Variants in AGAP1 observed in about 807,000 individuals in gnomAD.
AGAP1 encodes the protein arf-GAP with GTPase, ANK repeat and PH domain-containing protein 1.
A neutral mutation model predicts 105.3 loss-of-function variants in AGAP1; 29 were observed. The observed-to-expected ratio is 0.28, with a 90% CI of 0.21 to 0.38. The LOEUF (loss-of-function observed/expected upper bound fraction) is 0.38. AGAP1 is among the 10% of genes least tolerant of loss of function. The pLI, the probability that AGAP1 is intolerant of heterozygous loss-of-function variation, is 1.00. For synonymous variants in AGAP1, 509 were observed against 485.9 expected (o/e 1.05, Z -0.63); for missense variants, 998 against 1,165.1 (o/e 0.86, Z 2.09).
intron 6 of AGAP1, among the ~76,000 whole-genome samples, chr2:235,759,660 G>T (rs1039404903): frequency 1.3e-5 from 2 of 152,178 alleles, no homozygotes; most frequent in African/African-American, 4.8e-5. Flanking sequence ...GCCTTGGTGG[G>T]TTTGTGTGGG....
At position 235,675,150 on chromosome 2, in the gene AGAP1, G is replaced by T. The variant is rs551816225; in HGVS notation, c.164-34029G>T. 6.6e-5 allele frequency among the ~76,000 whole-genome samples: 10 copies of T among 150,598 alleles called. No homozygotes were observed. In the East Asian group the frequency reaches 1.2e-3, roughly 18 times the overall value. On this transcript the variant is annotated intron_variant, in intron 1 of 17. Transcript: ENST00000304032. Reference sequence around the variant, plus strand: ...TGATTTTTAAATTTGATTTGTTACTGAAAAGGACACTTTTTGTTGGTTGGT... The same window carrying T: ...TGATTTTTAAATTTGATTTGTTACTTAAAAGGACACTTTTTGTTGGTTGGT...
Position 235,753,577 on chromosome 2 carries a change from G to A in AGAP1, c.673+3089G>A, listed in dbSNP as rs1289294539. 6.6e-6 allele frequency among the ~76,000 whole-genome samples: 1 copy of A among 152,020 alleles called. No homozygotes were observed. Among genetic ancestry groups the A allele is most frequent in the Non-Finnish European group, 1.5e-5 (1 of 68,020 alleles). On this transcript the variant is annotated intron_variant, in intron 6 of 17. Transcript: ENST00000304032. The surrounding 1 kb of genome is among the most constrained non-coding windows in gnomAD (Gnocchi z 4.5). ...AAAAATTAGCCGGGCATGGTGGCAG[G>A]CACCTGTAATCCCAGCTACTCAGGA...
At position 236,076,346 on chromosome 2, in the gene AGAP1, GCTGAGGCAGAATTGCTTGAACC is replaced by G. The variant is rs2058634448; in HGVS notation, c.2114+27069_2114+27090del. On this transcript the variant is annotated intron_variant, in intron 16 of 17. Coordinates refer to ENST00000304032, the MANE Select transcript of AGAP1 (RefSeq NM_001037131.3). The surrounding 1 kb of genome is among the most constrained non-coding windows in gnomAD (Gnocchi z 4.4). ...GCCCATAATCCCAGCTACTTGGGAGGCTGAGGCAGAATTGCTTGAACCCTGGAGGCAGAGGTTACAGTGAGTC... is the reference window on the plus strand; with the variant it reads ...GCCCATAATCCCAGCTACTTGGGAGGCTGGAGGCAGAGGTTACAGTGAGTC... 6.6e-6 allele frequency among the ~76,000 whole-genome samples: 1 copy of G among 152,084 alleles called. No homozygotes were observed. The highest frequency in any genetic ancestry group is 1.5e-5 in the Non-Finnish European group (1 of 68,010).
Position 235,792,709 on chromosome 2 carries a change from G to C in AGAP1, c.674-5050G>C, listed in dbSNP as rs1957052488. On this transcript the variant is annotated intron_variant, in intron 6 of 17. Transcript: ENST00000304032. The surrounding 1 kb of genome is among the most constrained non-coding windows in gnomAD (Gnocchi z 5.3). ...GCGGGTTGTGCCATCGACTGAGCTA[G>C]AAAACAGACGAGAGGCAGGTCTGAG... Among the ~76,000 whole-genome samples the C allele has an allele frequency of 6.6e-6, 1 of 152,218 alleles. No homozygotes were observed. Among genetic ancestry groups the C allele is most frequent in the Non-Finnish European group, 1.5e-5 (1 of 68,036 alleles).
intron 6 of AGAP1, among the ~76,000 whole-genome samples, chr2:235,757,876 A>C (rs1019427877): frequency 9.9e-5 from 15 of 152,164 alleles, no homozygotes; most frequent in Non-Finnish European, 2.2e-4. Flanking sequence ...CGTTTGTGCA[A>C]CCTAATTGCA....
chr2:235,859,222 A>G (rs971893380), intron 9 of AGAP1, among the ~76,000 whole-genome samples: 1 of 151,658 alleles, frequency 6.6e-6, no homozygotes, highest in Non-Finnish European at 1.5e-5. Context: ...TTTAATACAT[A>G]TTGTTTCTTT....
intron 1 of AGAP1, among the ~76,000 whole-genome samples, chr2:235,686,588 C>CACACAT (rs1553605459): frequency 2.8e-5 from 3 of 108,508 alleles, no homozygotes; most frequent in African/African-American, 1.0e-4. Context: ...CACACACACA[C>CACACAT]GTGTGTGTGT....
intron 1 of AGAP1, among the ~76,000 whole-genome samples, chr2:235,708,395 G>C (rs1010235183): frequency 7.2e-5 from 11 of 152,130 alleles, no homozygotes; most frequent in African/African-American, 2.4e-4. Flanking sequence ...TGGAAAACTG[G>C]GTTGCAGGTA....
rs1337932590 is a variant in AGAP1, at chr2:235,965,053, C to G, written c.1484-3409C>G. On this transcript the variant is annotated intron_variant, in intron 12 of 17. Coordinates refer to ENST00000304032, the MANE Select transcript of AGAP1 (RefSeq NM_001037131.3). The surrounding 1 kb of genome is among the most constrained non-coding windows in gnomAD (Gnocchi z 5.8). ...AGTGCAGGCTCAGGGGGTCTCAGGA[C>G]TGCTGGCTACACCTCGGGTACAGTT... Among the ~76,000 whole-genome samples, 5 of 152,348 alleles carry G rather than the reference C, an allele frequency of 3.3e-5. No homozygotes were observed. The highest frequency in any genetic ancestry group is 3.4e-3 in the Middle Eastern group (1 of 294).
At chr2:236,052,871 C>A (rs2057945365) in intron 16 of AGAP1, among the ~76,000 whole-genome samples, 1 of 152,214 alleles carries the variant, frequency 6.6e-6, no homozygotes, top group South Asian at 2.1e-4. Flanking sequence ...TCAGAATTCC[C>A]CTCTCTAATT....
At chr2:235,941,785 A>C (rs1466571504) in intron 12 of AGAP1, among the ~76,000 whole-genome samples, 2 of 152,106 alleles carry the variant, frequency 1.3e-5, no homozygotes, top group Non-Finnish European at 2.9e-5. Context: ...AGAACTCAGT[A>C]GGCTAAAGGG....
At chr2:235,996,620 C>T (rs1417128429) in intron 13 of AGAP1, among the ~76,000 whole-genome samples, 1 of 152,220 alleles carries the variant, frequency 6.6e-6, no homozygotes, top group African/African-American at 2.4e-5. Flanking sequence ...CGGGGACCTT[C>T]TGTTCACCAT....
In AGAP1 at chr2:235,936,819, A is replaced by G. The variant is rs1196480912; in HGVS notation, c.1483+5896A>G. ...AACACTCGTTTCCCTGGGGATCATC[A>G]TCTCTGATAACTGAGCTTCCAAAAG... On this transcript the variant is annotated intron_variant, in intron 12 of 17. Transcript: ENST00000304032. This position sits in a 1 kb window ranked among gnomAD's most constrained non-coding sequence, Gnocchi z 4.7. Among the ~76,000 whole-genome samples, 1 of 152,124 alleles carries G rather than the reference A, an allele frequency of 6.6e-6. No individual in the cohort carries two copies. Among genetic ancestry groups the G allele is most frequent in the African/African-American group, 2.4e-5 (1 of 41,438 alleles).
At chr2:235,910,288 A>ATTCACTGAGCT in intron 11 of AGAP1, among the ~76,000 whole-genome samples, 1 of 8,762 alleles carries the variant, frequency 1.1e-4, no homozygotes, top group Non-Finnish European at 2.1e-4. Flanking sequence ...CCTGTGTTGC[A>ATTCACTGAGCT]GGGGGGCGGT....
In AGAP1 at chr2:236,058,884, G is replaced by A. The variant is rs764369198; in HGVS notation, c.2114+9603G>A. Among the ~76,000 whole-genome samples the A allele has an allele frequency of 6.6e-6, 1 of 152,176 alleles. No individual in the cohort carries two copies. Among genetic ancestry groups the A allele is most frequent in the African/African-American group, 2.4e-5 (1 of 41,438 alleles). ...ACAAGATCAATGTGCAAAACTCTTA[G>A]CTGGCCATGGTGGCACAGTTCTGTA... is the stretch of plus-strand genomic sequence containing the variant. On this transcript the variant is annotated intron_variant, in intron 16 of 17. Transcript: ENST00000304032. This position sits in a 1 kb window ranked among gnomAD's most constrained non-coding sequence, Gnocchi z 4.6.
chr2:235,595,870 T>C (rs1035000970), intron 1 of AGAP1, among the ~76,000 whole-genome samples: 1 of 152,210 alleles, frequency 6.6e-6, no homozygotes, highest in African/African-American at 2.4e-5. Flanking sequence ...AAGAACTGTT[T>C]AAGAATAAAT....
At chr2:235,807,476 G>A (rs191250353) in intron 9 of AGAP1, 145 bp downstream of exon 9, 75 of 642,712 alleles carry the variant, frequency 1.2e-4, no homozygotes, top group Middle Eastern at 3.7e-4. Flanking sequence ...TCAATTAGCA[G>A]AGTTCCTGTG....
intron 12 of AGAP1, among the ~76,000 whole-genome samples, chr2:235,944,803 GC>G (rs2053415732): frequency 6.6e-6 from 1 of 152,088 alleles, no homozygotes; most frequent in African/African-American, 2.4e-5. Flanking sequence ...GGCGGGTCAG[GC>G]CCCCAGATGA....
chr2:235,689,687 C>T lies in AGAP1; in HGVS notation c.164-19492C>T, dbSNP rs1949647193. Among the ~76,000 whole-genome samples, 1 of 152,214 alleles carries T rather than the reference C, an allele frequency of 6.6e-6. No individual in the cohort carries two copies. Among genetic ancestry groups the T allele is most frequent in the African/African-American group, 2.4e-5 (1 of 41,466 alleles). ...TGTAATGAAGTATCTGCAACATTTC[C>T]ACTCATTTGAGAGTTCCACTTTTCA... On this transcript the variant is annotated intron_variant, in intron 1 of 17. Transcript: ENST00000304032. This position sits in a 1 kb window ranked among gnomAD's most constrained non-coding sequence, Gnocchi z 4.2.
Sources: allele counts gnomAD v4.1 joint callset (sites outside exome capture counted in the v4.1 genomes callset), GRCh38; gene constraint gnomAD v4.1.1; non-coding constraint Gnocchi (gnomAD v3.1); transcripts MANE v1.5; gene names NCBI Gene and HGNC (gene_info 2026-07-23, HGNC 2026-07-21).